PARN: variants seen among roughly 807,000 people sequenced by gnomAD.
PARN encodes poly(A)-specific ribonuclease PARN.
PARN carries 71 observed loss-of-function variants against 102.8 expected under a neutral mutation model. That is an observed-to-expected ratio of 0.69 (90% CI 0.57 to 0.84). The LOEUF is 0.84. Ranked by LOEUF, PARN falls within the 40% of genes least tolerant of loss-of-function variation. PARN has a pLI of 0.00. For missense variants in PARN, 782 were observed against 760.9 expected, an observed-to-expected ratio of 1.03 and a Z score of -0.33; for synonymous variants, 261 against 252.9, an observed-to-expected ratio of 1.03 and a Z score of -0.30.
chr16:14,613,917 A>G (rs981689492), intron 6 of PARN, among the ~76,000 whole-genome samples: 4 of 152,228 alleles, frequency 2.6e-5, no homozygotes, highest in Admixed American at 6.5e-5. Flanking sequence ...TACCAGAGCA[A>G]GTGAATCAGA....
intron 23 of PARN, among the ~76,000 whole-genome samples, chr16:14,446,029 T>G (rs774449047): frequency 1.1e-4 from 16 of 152,364 alleles, no homozygotes; most frequent in Non-Finnish European, 1.8e-4. Flanking sequence ...CTGGCTCCAG[T>G]AATAAGCACT....
intron 12 of PARN, among the ~76,000 whole-genome samples, chr16:14,594,714 G>C (rs921075190): frequency 4.6e-5 from 7 of 151,716 alleles, no homozygotes; most frequent in Non-Finnish European, 1.0e-4. Flanking sequence ...ACTCTGTCTT[G>C]GAAAAAAAAA....
chr16:14,453,610 T>C (rs1961559750), intron 22 of PARN, among the ~76,000 whole-genome samples: 1 of 152,214 alleles, frequency 6.6e-6, no homozygotes, highest in African/African-American at 2.4e-5. Flanking sequence ...CAATCCACAT[T>C]GTCACAGCAA....
At chr16:14,554,289 G>A (rs1451441385) in intron 19 of PARN, 138 bp from the exon 20 acceptor site, 5 of 616,086 alleles carry the variant, frequency 8.1e-6, no homozygotes, top group African/African-American at 1.9e-5. Context: ...ACTCCTAAAA[G>A]TATGCCTAGG....
chr16:14,579,130 G>C (rs1372345467), intron 18 of PARN, among the ~76,000 whole-genome samples: 1 of 152,004 alleles, frequency 6.6e-6, no homozygotes, highest in African/African-American at 2.4e-5. Flanking sequence ...GGGAATACAG[G>C]CTAATTTTTG....
chr16:14,439,667 T>C (rs1222100433), intron 23 of PARN, among the ~76,000 whole-genome samples: 1 of 152,136 alleles, frequency 6.6e-6, no homozygotes, highest in Admixed American at 6.5e-5. Flanking sequence ...AAAAATCTGA[T>C]AAACTGGACT....
chr16:14,556,956 A>G (rs183183680), intron 18 of PARN, among the ~76,000 whole-genome samples: 2 of 152,310 alleles, frequency 1.3e-5, no homozygotes, highest in African/African-American at 4.8e-5. Context: ...ACACTAATAT[A>G]AATCATAGCA....
intron 13 of PARN, among the ~76,000 whole-genome samples, chr16:14,591,244 A>G (rs1970176024): frequency 6.6e-6 from 1 of 152,058 alleles, no homozygotes; most frequent in Non-Finnish European, 1.5e-5. Flanking sequence ...CAAAAAAATT[A>G]GCAGGGCGTG....
At chr16:14,549,212 C>T (rs185554954) in intron 21 of PARN, among the ~76,000 whole-genome samples, 80 of 152,138 alleles carry the variant, frequency 5.3e-4, no homozygotes, top group Non-Finnish European at 2.5e-4. Context: ...GAGACTATAC[C>T]GGAAAATTAA....
At chr16:14,516,619 T>C (rs756436459) in intron 21 of PARN, among the ~76,000 whole-genome samples, 4 of 152,214 alleles carry the variant, frequency 2.6e-5, no homozygotes, top group Non-Finnish European at 2.9e-5. Flanking sequence ...CTTTCATATA[T>C]AATTTTACAC....
At chr16:14,510,919 A>G (rs1397853790) in intron 21 of PARN, among the ~76,000 whole-genome samples, 1 of 152,242 alleles carries the variant, frequency 6.6e-6, no homozygotes, top group Non-Finnish European at 1.5e-5. Context: ...TTCTGAGGCA[A>G]TTTTTCTTTT....
chr16:14,614,759 A>C (rs905252072), intron 6 of PARN, among the ~76,000 whole-genome samples: 2 of 146,558 alleles, frequency 1.4e-5, no homozygotes, highest in Non-Finnish European at 3.0e-5. Context: ...GAGGCAGGAG[A>C]ATCACTTGAA....
At chr16:14,488,401 T>A (rs1003010154) in intron 21 of PARN, among the ~76,000 whole-genome samples, 2 of 152,208 alleles carry the variant, frequency 1.3e-5, no homozygotes, top group African/African-American at 4.8e-5. Context: ...TACATTAATA[T>A]TAAAGCCTTT....
intron 13 of PARN, among the ~76,000 whole-genome samples, chr16:14,589,726 C>A (rs1217327015): frequency 6.6e-6 from 1 of 151,840 alleles, no homozygotes; most frequent in Non-Finnish European, 1.5e-5. Context: ...ATTAGCCAGG[C>A]ATGGTGGCAA....
intron 18 of PARN, among the ~76,000 whole-genome samples, chr16:14,573,698 T>C (rs1968947177): frequency 6.6e-6 from 1 of 151,994 alleles, no homozygotes; most frequent in African/African-American, 2.4e-5. Flanking sequence ...GGGCGGATCT[T>C]TCCTGTACTG....
Position 14,482,818 on chromosome 16 carries a change from G to C in PARN, c.1490C>G (p.Thr497Ser). Residue 497 changes from threonine to serine, a missense_variant, in exon 22 of 24, where the codon ACC becomes AGC. Thr to Ser is a moderately conservative substitution (Grantham distance 58). Transcript: ENST00000437198. ...CCGATAGCTTTCTGCATATTTGCTG[G>C]TATTGACAGCTACAAGGAAAAGAAA... ...QPEQVKIAVN[T>S]SKYAESYRIQ... The C allele has an allele frequency of 6.2e-7, 1 of 1,605,768 alleles. No homozygotes were observed. Among genetic ancestry groups the C allele is most frequent in the Non-Finnish European group, 8.5e-7 (1 of 1,177,232 alleles).
intron 6 of PARN, among the ~76,000 whole-genome samples, chr16:14,613,680 C>T (rs1017074538): frequency 2.0e-5 from 3 of 152,054 alleles, no homozygotes; most frequent in Non-Finnish European, 1.5e-5. Context: ...GAACAATGAA[C>T]GTAGAAAACC....
intron 15 of PARN, 53 bp from the exon 16 acceptor site, chr16:14,584,475 A>G: frequency 2.8e-6 from 4 of 1,417,794 alleles, no homozygotes; most frequent in Non-Finnish European, 4.0e-6. Context: ...AGAACAATAT[A>G]TTAAAGAGAT....
intron 20 of PARN, 142 bp from the exon 21 acceptor site, chr16:14,552,237 G>T (rs1967351947): frequency 3.4e-6 from 2 of 596,646 alleles, no homozygotes; most frequent in African/African-American, 3.7e-5. Context: ...CAAAATCTCA[G>T]CCCTACAGAG....
Sources: gnomAD v4.1 joint callset for allele counts (sites outside exome capture counted in the v4.1 genomes callset) on GRCh38, gnomAD v4.1.1 for gene constraint, MANE v1.5 for transcripts, NCBI Gene and HGNC (gene_info 2026-07-23, HGNC 2026-07-21) for gene names.